CCDC51: variants seen among roughly 807,000 people sequenced by gnomAD.
The protein encoded by CCDC51 is coiled-coil domain containing 51.
A neutral mutation model predicts 24.8 loss-of-function variants in CCDC51; 25 were observed. The observed-to-expected ratio is 1.01, with a 90% CI of 0.73 to 1.41. The LOEUF is 1.41. CCDC51 is among the 40% of genes most tolerant of loss of function. The pLI is 0.00. For synonymous variants in CCDC51, 190 were observed against 204.3 expected (o/e 0.93, Z 0.60); for missense variants, 466 against 519.1 (o/e 0.90, Z 0.99).
chr3:48,438,007 T>C (rs1028045848), intron 1 of CCDC51: 1 of 152,216 alleles, frequency 6.6e-6, no homozygotes, highest in East Asian at 1.9e-4. Flanking sequence ...CTGAATTCAC[T>C]GTTTCTGTTC....
Position 48,436,964 on chromosome 3 carries a change from T to A in CCDC51, c.-8-1828A>T, listed in dbSNP as rs1301417063. Among the ~76,000 whole-genome samples, 4 of 151,942 alleles carry A rather than the reference T, an allele frequency of 2.6e-5. 1 individual carries two copies. The highest frequency in any genetic ancestry group is 6.5e-5 in the Admixed American group (1 of 15,270). The stretch of plus-strand genomic sequence containing the variant: ...CCTCTGATCAAAATCCCCCAACAGC[T>A]CCCATTTCACCTGGCGGTGGCCAAG... On this transcript the variant is annotated intron_variant, in intron 1 of 3. Transcript: ENST00000395694.
upstream of CCDC51, chr3:48,440,207 A>T: frequency 6.6e-7 from 1 of 1,517,000 alleles, no homozygotes; most frequent in South Asian, 1.3e-5. Context: ...CTAGGAGCCA[A>T]TCAGCGGGGC....
upstream of CCDC51, chr3:48,445,183 AAATT>A (rs10663263): frequency 0.56 from 84,522 of 150,368 alleles, 23,653 homozygotes; most frequent in East Asian, 0.69. Flanking sequence ...TAAAAAAAAA[AAATT>A]AATTCAGAAG....
At chr3:48,440,229 CT>C, upstream of CCDC51, 2 of 1,546,178 alleles carry the variant, frequency 1.3e-6, no homozygotes, top group South Asian at 2.5e-5. Flanking sequence ...GCCTCGCTGT[CT>C]ACGACAAAGG....
chr3:48,432,336 A>G lies in CCDC51; in HGVS notation c.*72T>C. ...GTACATGCCCCCAAAGGCTCGCTTC[A>G]TTGCTACGATTCTCTACTTAAATCC... is the stretch of plus-strand genomic sequence containing the variant. On this transcript the variant is annotated 3_prime_UTR_variant, in exon 4 of 4. Coordinates refer to ENST00000395694, the MANE Select transcript of CCDC51 (RefSeq NM_001256964.2). 2 of 1,568,324 alleles carry G rather than the reference A, an allele frequency of 1.3e-6. No individual in the cohort carries two copies. Among genetic ancestry groups the G allele is most frequent in the Non-Finnish European group, 1.7e-6 (2 of 1,150,940 alleles).
upstream of CCDC51, chr3:48,440,282 G>A (rs374017589): frequency 1.2e-4 from 193 of 1,600,068 alleles, no homozygotes; most frequent in African/African-American, 2.3e-3. Flanking sequence ...GTCTGGGGAA[G>A]CGGCGGCAGG....
upstream of CCDC51, among the ~76,000 whole-genome samples, chr3:48,443,013 G>A (rs2039602743): frequency 6.6e-6 from 1 of 151,840 alleles, no homozygotes; most frequent in Admixed American, 6.6e-5. Context: ...GCTGAGGTGG[G>A]TGGACCACTT....
In CCDC51 at chr3:48,434,958, G is replaced by A; in HGVS notation, c.171C>T (p.His57=). ...KRPEEVALGL[H]HRLPALGRAL... is the part of the protein sequence containing the mutation. The stretch of plus-strand genomic sequence containing the variant: ...CTCTTCCCAGTGCTGGGAGGCGGTG[G>A]TGCAGCCCCAGGGCCACCTCCTCAG... Residue 57 remains histidine, a synonymous_variant, in exon 2 of 4, where the codon CAC becomes CAT. Transcript: ENST00000395694. 6.2e-7 allele frequency: 1 copy of A among 1,614,186 alleles called. No homozygotes were observed. Among genetic ancestry groups the A allele is most frequent in the Non-Finnish European group, 8.5e-7 (1 of 1,180,006 alleles).
At chr3:48,442,918 C>T (rs886773516), upstream of CCDC51, among the ~76,000 whole-genome samples, 1 of 151,984 alleles carries the variant, frequency 6.6e-6, no homozygotes, top group African/African-American at 2.4e-5. Context: ...CCTGGCTTGT[C>T]ACATACTTGA....
At position 48,433,337 on chromosome 3, in the gene CCDC51, T is replaced by C. The variant is rs977621324; in HGVS notation, c.478-171A>G. On this transcript the variant is annotated intron_variant, in intron 3 of 3. Transcript: ENST00000395694. This position sits in a 1 kb window ranked among gnomAD's most constrained non-coding sequence, Gnocchi z 4.4. ...TGGCTGGGTCAGAAGGGCAAAGGAA[T>C]TGGGAGTGATCAAAGTGAGTTGCAT... is the stretch of plus-strand genomic sequence containing the variant. 6.6e-6 allele frequency among the ~76,000 whole-genome samples: 1 copy of C among 152,140 alleles called. No individual in the cohort carries two copies. Among genetic ancestry groups the C allele is most frequent in the African/African-American group, 2.4e-5 (1 of 41,426 alleles).
intron 1 of CCDC51, 79 bp downstream of exon 1, chr3:48,439,909 A>T: frequency 3.2e-6 from 1 of 314,436 alleles, no homozygotes; most frequent in East Asian, 5.3e-5. Context: ...ATCTCCCTCC[A>T]CCCAAGCTGT....
chr3:48,434,689 G>A (rs2039294090), intron 2 of CCDC51, 128 bp downstream of exon 2: 5 of 832,566 alleles, frequency 6.0e-6, no homozygotes, highest in Non-Finnish European at 9.3e-6. Context: ...GAAGCATCAA[G>A]CCCAGGTTTC....
In CCDC51 at chr3:48,433,066, T is replaced by C. The variant is rs1443413408; in HGVS notation, c.578A>G (p.Glu193Gly). Residue 193 changes from glutamate to glycine, a missense_variant, in exon 4 of 4, where the codon GAG (glutamate) becomes GGG (glycine). Coordinates refer to ENST00000395694, the MANE Select transcript of CCDC51 (RefSeq NM_001256964.2). The surrounding 1 kb of genome is among the most constrained non-coding windows in gnomAD (Gnocchi z 4.4). ...SAAVRESHEK[E>G]RTRAERTKNW... ...CTTGGTCCTCTCAGCCCTTGTGCGCTCCTTCTCATGACTTTCCCGCACAGC... is the reference window on the plus strand; with the variant it reads ...CTTGGTCCTCTCAGCCCTTGTGCGCCCCTTCTCATGACTTTCCCGCACAGC... 6.2e-7 allele frequency: 1 copy of C among 1,614,190 alleles called. No individual in the cohort carries two copies. The highest frequency in any genetic ancestry group is 2.2e-5 in the East Asian group (1 of 44,878).
chr3:48,433,906 C>T lies in CCDC51; in HGVS notation c.313-35G>A, dbSNP rs2039270496. 6.3e-7 allele frequency: 1 copy of T among 1,599,180 alleles called. No homozygotes were observed. The highest frequency in any genetic ancestry group is 8.5e-7 in the Non-Finnish European group (1 of 1,171,466). ...GAAAACCGGAGGCCATCTGCACCTT[C>T]TCTCCACACCCACACAGGCTCAGCT... is the stretch of plus-strand genomic sequence containing the variant. On this transcript the variant is annotated intron_variant, in intron 2 of 3. Coordinates refer to ENST00000395694, the MANE Select transcript of CCDC51 (RefSeq NM_001256964.2). This position sits in a 1 kb window ranked among gnomAD's most constrained non-coding sequence, Gnocchi z 4.4.
upstream of CCDC51, among the ~76,000 whole-genome samples, chr3:48,442,782 C>T (rs533484838): frequency 3.3e-5 from 5 of 152,214 alleles, no homozygotes; most frequent in South Asian, 2.1e-4. Flanking sequence ...TCGCCTACTG[C>T]GTTCCACATA....
upstream of CCDC51, among the ~76,000 whole-genome samples, chr3:48,441,545 G>A (rs1290643795): frequency 6.6e-6 from 1 of 150,786 alleles, no homozygotes; most frequent in Non-Finnish European, 1.5e-5. Context: ...TGCTTTCTGA[G>A]TCTTTTTACT....
At chr3:48,444,336 G>C (rs1416380254), upstream of CCDC51, 1 of 152,866 alleles carries the variant, frequency 6.5e-6, no homozygotes, top group Non-Finnish European at 1.5e-5. Context: ...GCAGTGGCAT[G>C]ATCTCTGCTC....
In CCDC51 at chr3:48,435,337, G is replaced by T. The variant is rs1440435278; in HGVS notation, c.-8-201C>A. Among the ~76,000 whole-genome samples the T allele has an allele frequency of 1.3e-5, 2 of 152,144 alleles. No homozygotes were observed. On this transcript the variant is annotated intron_variant, in intron 1 of 3. Coordinates refer to ENST00000395694, the MANE Select transcript of CCDC51 (RefSeq NM_001256964.2). This position sits in a 1 kb window ranked among gnomAD's most constrained non-coding sequence, Gnocchi z 4.2. ...CTCCTCTGGGTGCTCTTGGACAATG[G>T]AACACAGTTGGGGACGAGCCTCTAG...
At chr3:48,440,782 T>G (rs1169424027), upstream of CCDC51, 1 of 704,138 alleles carries the variant, frequency 1.4e-6, no homozygotes, top group African/African-American at 1.8e-5. Context: ...GTCTAGGATT[T>G]GCAGCGGCAG....
Sources: allele counts gnomAD v4.1 joint callset (sites outside exome capture counted in the v4.1 genomes callset), GRCh38; gene constraint gnomAD v4.1.1; non-coding constraint Gnocchi (gnomAD v3.1); transcripts MANE v1.5; gene names NCBI Gene and HGNC (gene_info 2026-07-23, HGNC 2026-07-21).